NHSL2: variants seen among roughly 807,000 people sequenced by gnomAD.
NHSL2 encodes the protein NHS-like protein 2.
A neutral mutation model predicts 53.4 loss-of-function variants in NHSL2; 27 were observed. The ratio of observed to expected loss-of-function variants is 0.51; its 90% CI spans 0.37 to 0.70. NHSL2 has a LOEUF of 0.70. Ranked by LOEUF, NHSL2 falls within the 30% of genes least tolerant of loss-of-function variation. The pLI is 0.00. For synonymous variants in NHSL2, 408 were observed against 404.1 expected, an observed-to-expected ratio of 1.01 and a Z score of -0.12; for missense variants, 892 against 980.1, an observed-to-expected ratio of 0.91 and a Z score of 1.20.
intron 1 of NHSL2, among the ~76,000 whole-genome samples, chrX:72,061,255 C>A (rs181226555): frequency 2.2e-4 from 25 of 112,125 alleles, no homozygotes; most frequent in African/African-American, 8.1e-4. Context: ...CTATATTGTC[C>A]TGGTGAATTA....
chrX:72,053,713 A>G (rs745745807), intron 1 of NHSL2, among the ~76,000 whole-genome samples: 12 of 111,000 alleles, frequency 1.1e-4, no homozygotes, highest in Non-Finnish European at 1.7e-4. Flanking sequence ...TTCAAAGCCC[A>G]TCTCAAAAGC....
chrX:72,067,657 A>G (rs1215902135), intron 1 of NHSL2, among the ~76,000 whole-genome samples: 1 of 112,124 alleles, frequency 8.9e-6, no homozygotes, highest in Non-Finnish European at 1.9e-5. Context: ...TTTTCCCAAG[A>G]TGCTTCACTT....
intron 1 of NHSL2, among the ~76,000 whole-genome samples, chrX:72,085,566 A>G (rs775091161): frequency 9.9e-5 from 11 of 111,617 alleles, no homozygotes; most frequent in Admixed American, 1.9e-4. Flanking sequence ...TTGAGCTGTA[A>G]GGGGGGAAAT....
At position 71,991,343 on chromosome X, in the gene NHSL2, G is replaced by T. The variant is rs762262365; in HGVS notation, c.280+79976G>T. On this transcript the variant is annotated intron_variant, in intron 1 of 7. Transcript: ENST00000633930. ...ACATTTGTGACTCTTGGATTAGGTG[G>T]TGTTTACTCACCTTTCAACTCTGGC... 2.7e-5 allele frequency among the ~76,000 whole-genome samples: 3 copies of T among 112,523 alleles called. No homozygotes were observed. In the East Asian group the frequency reaches 8.4e-4, roughly 32 times the overall value.
chrX:72,015,963 TA>T (rs1291746273), intron 1 of NHSL2, among the ~76,000 whole-genome samples: 9 of 111,358 alleles, frequency 8.1e-5, no homozygotes, highest in South Asian at 3.7e-4. Flanking sequence ...GTCTTTTGCC[TA>T]AAAAAAAATT....
intron 1 of NHSL2, among the ~76,000 whole-genome samples, chrX:72,051,625 C>T (rs189618971): frequency 1.8e-5 from 2 of 111,450 alleles, no homozygotes; most frequent in East Asian, 2.8e-4. Flanking sequence ...TTTAAGGTTT[C>T]CTTCTCCACA....
intron 4 of NHSL2, 52 bp downstream of exon 4, chrX:72,134,756 C>A: frequency 1.1e-6 from 1 of 930,419 alleles, no homozygotes; most frequent in Non-Finnish European, 1.5e-6. Flanking sequence ...CCTCTACAGA[C>A]CATCCTCTTT....
intron 1 of NHSL2, among the ~76,000 whole-genome samples, chrX:72,069,264 G>T (rs754413566): frequency 1.8e-5 from 2 of 111,189 alleles, no homozygotes; most frequent in South Asian, 7.6e-4. Flanking sequence ...GTCGGGTCCC[G>T]GGGGGTGCCT....
At chrX:72,065,394 C>G (rs1223228228) in intron 1 of NHSL2, among the ~76,000 whole-genome samples, 2 of 112,203 alleles carry the variant, frequency 1.8e-5, no homozygotes, top group Non-Finnish European at 3.8e-5. Flanking sequence ...TGGAACAATT[C>G]CAGGACATCT....
intron 1 of NHSL2, among the ~76,000 whole-genome samples, chrX:72,102,099 G>A (rs2041998974): frequency 8.9e-6 from 1 of 112,637 alleles, no homozygotes; most frequent in African/African-American, 3.2e-5. Context: ...CTACCCAGTA[G>A]CATTCTCTTG....
intron 1 of NHSL2, among the ~76,000 whole-genome samples, chrX:71,947,889 G>A (rs994863912): frequency 5.4e-5 from 6 of 111,396 alleles, no homozygotes; most frequent in South Asian, 3.8e-4. Context: ...TTGGGGATTC[G>A]GAGGAAAGGG....
chrX:72,081,446 G>A (rs1193985798), intron 1 of NHSL2, among the ~76,000 whole-genome samples: 1 of 112,014 alleles, frequency 8.9e-6, no homozygotes, highest in Admixed American at 9.4e-5. Flanking sequence ...ATGTAGGAGC[G>A]AGCTTTCTGC....
At chrX:72,075,874 G>A (rs1041522972) in intron 1 of NHSL2, among the ~76,000 whole-genome samples, 2 of 107,122 alleles carry the variant, frequency 1.9e-5, no homozygotes, top group African/African-American at 6.8e-5. Context: ...CGGTGAGAGG[G>A]ATGTGGAGGG....
intron 1 of NHSL2, among the ~76,000 whole-genome samples, chrX:72,032,800 A>C (rs973518025): frequency 1.8e-5 from 2 of 112,063 alleles, no homozygotes; most frequent in African/African-American, 6.5e-5. Context: ...CAGACGTTGC[A>C]GTGAGCTGAG....
intron 1 of NHSL2, among the ~76,000 whole-genome samples, chrX:72,058,945 C>G (rs2042384612): frequency 8.9e-6 from 1 of 111,936 alleles, no homozygotes; most frequent in Admixed American, 9.4e-5. Context: ...TCAGTGCTCC[C>G]TGTTCTTCCC....
chrX:72,025,922 A>G (rs767366481), intron 1 of NHSL2, among the ~76,000 whole-genome samples: 2 of 112,158 alleles, frequency 1.8e-5, no homozygotes, highest in African/African-American at 3.2e-5. Context: ...AGTTTCCTCA[A>G]TGTAAAATGA....
intron 1 of NHSL2, among the ~76,000 whole-genome samples, chrX:72,004,547 C>A (rs1450375837): frequency 8.9e-6 from 1 of 111,907 alleles, no homozygotes; most frequent in Non-Finnish European, 1.9e-5. Context: ...AGGAGTGCTG[C>A]CTCTGGTTTG....
chrX:72,005,331 G>A lies in NHSL2; in HGVS notation c.280+93964G>A, dbSNP rs187124565. Among the ~76,000 whole-genome samples the A allele has an allele frequency of 2.8e-3, 316 of 112,275 alleles. 1 individual carries two copies. The highest frequency in any genetic ancestry group is 9.8e-3 in the African/African-American group (302 of 30,900). ...TGTGCAGTGCACTCTGCTGCATGCT[G>A]AGATCACAGTGGAGAACAACATAGA... On this transcript the variant is annotated intron_variant, in intron 1 of 7. Coordinates refer to ENST00000633930, the MANE Select transcript of NHSL2 (RefSeq NM_001013627.3).
At chrX:72,050,356 A>G (rs2042332857) in intron 1 of NHSL2, among the ~76,000 whole-genome samples, 1 of 111,353 alleles carries the variant, frequency 9.0e-6, no homozygotes, top group Admixed American at 9.5e-5. Context: ...ATTTTTCTTG[A>G]TTGTGGCTGT....
Sources: gnomAD v4.1 joint callset for allele counts (sites outside exome capture counted in the v4.1 genomes callset) on GRCh38, gnomAD v4.1.1 for gene constraint, MANE v1.5 for transcripts, NCBI Gene and HGNC (gene_info 2026-07-23, HGNC 2026-07-21) for gene names.